Variants in HECW1 observed in about 807,000 individuals in gnomAD.
HECW1 encodes the protein E3 ubiquitin-protein ligase HECW1.
In HECW1, 61 loss-of-function variants were observed where a neutral mutation model predicts 182.3. The ratio of observed to expected loss-of-function variants is 0.33; its 90% CI spans 0.27 to 0.41. The LOEUF is 0.41. HECW1 is among the 10% of genes least tolerant of loss of function. HECW1 has a pLI of 1.00. For synonymous variants in HECW1, 859 were observed against 832.6 expected (o/e 1.03, Z -0.55); for missense variants, 1,739 against 2,108.9 (o/e 0.82, Z 3.44).
At chr7:43,342,884 G>A (rs954155912) in intron 5 of HECW1, among the ~76,000 whole-genome samples, 2 of 151,384 alleles carry the variant, frequency 1.3e-5, no homozygotes, top group African/African-American at 4.9e-5. Context: ...AAATCAGCTG[G>A]TCGTAGTGGC....
intron 2 of HECW1, among the ~76,000 whole-genome samples, chr7:43,237,137 G>GTA (rs1286456639): frequency 2.7e-4 from 35 of 128,276 alleles, no homozygotes; most frequent in African/African-American, 9.7e-4. Flanking sequence ...AAGGAAGGAA[G>GTA]GAAGTAGGTA....
chr7:43,294,080 G>A (rs894797136), intron 3 of HECW1, among the ~76,000 whole-genome samples: 1 of 152,274 alleles, frequency 6.6e-6, no homozygotes, highest in African/African-American at 2.4e-5. Flanking sequence ...CCATGAAATC[G>A]ATCCCTCGTG....
chr7:43,262,764 A>T (rs966907232), intron 3 of HECW1, among the ~76,000 whole-genome samples: 1 of 152,134 alleles, frequency 6.6e-6, no homozygotes, highest in African/African-American at 2.4e-5. Context: ...TAGACCGGAG[A>T]TGTTCTATAA....
At chr7:43,307,079 C>A (rs12532870) in intron 3 of HECW1, among the ~76,000 whole-genome samples, 20,389 of 151,840 alleles carry the variant, frequency 0.13, 1,448 homozygotes, top group Middle Eastern at 0.21. Context: ...GGAAAAAAAA[C>A]CAAAAACAAA....
chr7:43,425,131 C>G (rs927178985), intron 8 of HECW1, among the ~76,000 whole-genome samples: 2 of 152,030 alleles, frequency 1.3e-5, no homozygotes, highest in Non-Finnish European at 2.9e-5. Context: ...GCCATAAAGC[C>G]ATAGCAATGG....
chr7:43,476,118 G>A (rs930089938), intron 16 of HECW1, among the ~76,000 whole-genome samples: 2 of 152,102 alleles, frequency 1.3e-5, no homozygotes, highest in African/African-American at 2.4e-5. Flanking sequence ...AACATGATTT[G>A]CAATTAAAAA....
chr7:43,251,188 C>T (rs914627703), intron 3 of HECW1, among the ~76,000 whole-genome samples: 1 of 152,192 alleles, frequency 6.6e-6, no homozygotes, highest in Non-Finnish European at 1.5e-5. Flanking sequence ...GAGTCCCAGG[C>T]CAAGTCACAG....
intron 13 of HECW1, among the ~76,000 whole-genome samples, chr7:43,462,895 C>G (rs1490149916): frequency 6.6e-6 from 1 of 152,252 alleles, no homozygotes; most frequent in Non-Finnish European, 1.5e-5. Context: ...CTGTGTCCCA[C>G]ATACCTCTTG....
intron 2 of HECW1, among the ~76,000 whole-genome samples, chr7:43,184,095 G>C (rs904434190): frequency 6.6e-6 from 1 of 151,974 alleles, no homozygotes; most frequent in African/African-American, 2.4e-5. Context: ...CTCACTGCAA[G>C]CTCCACCTCC....
intron 2 of HECW1, among the ~76,000 whole-genome samples, chr7:43,218,820 G>A (rs772296282): frequency 3.9e-5 from 6 of 152,148 alleles, no homozygotes; most frequent in Non-Finnish European, 7.3e-5. Context: ...CTTGTCTCAC[G>A]TGATTTAGAT....
intron 5 of HECW1, among the ~76,000 whole-genome samples, chr7:43,332,142 A>C (rs1039421959): frequency 3.9e-5 from 6 of 152,128 alleles, no homozygotes; most frequent in Non-Finnish European, 8.8e-5. Context: ...AATTGGAAGA[A>C]CTCAGGAGTG....
At chr7:43,316,630 C>T (rs905897727) in intron 4 of HECW1, among the ~76,000 whole-genome samples, 8 of 151,900 alleles carry the variant, frequency 5.3e-5, no homozygotes, top group Admixed American at 3.3e-4. Flanking sequence ...ATTGCTCCCA[C>T]AAAGAGGCTT....
intron 3 of HECW1, among the ~76,000 whole-genome samples, chr7:43,289,662 G>A (rs2152754004): frequency 1.3e-5 from 2 of 152,208 alleles, no homozygotes; most frequent in East Asian, 3.9e-4. Context: ...ACAGAACTCT[G>A]TAAAATATTT....
chr7:43,137,952 T>A (rs1787744824), intron 2 of HECW1, among the ~76,000 whole-genome samples: 1 of 151,328 alleles, frequency 6.6e-6, no homozygotes, highest in Non-Finnish European at 1.5e-5. Flanking sequence ...TTTTTTTTTT[T>A]AAGATTCCGG....
At chr7:43,129,884 T>G (rs1295060719) in intron 2 of HECW1, among the ~76,000 whole-genome samples, 1 of 152,182 alleles carries the variant, frequency 6.6e-6, no homozygotes, top group East Asian at 1.9e-4. Flanking sequence ...TTATAATACC[T>G]AATACAATGT....
At chr7:43,314,401 G>C (rs1808923527) in intron 4 of HECW1, among the ~76,000 whole-genome samples, 1 of 152,124 alleles carries the variant, frequency 6.6e-6, no homozygotes, top group Non-Finnish European at 1.5e-5. Context: ...TAGAAAGAGA[G>C]CACCAGATAG....
intron 2 of HECW1, among the ~76,000 whole-genome samples, chr7:43,127,250 A>G (rs935319197): frequency 7.9e-5 from 12 of 152,170 alleles, no homozygotes; most frequent in African/African-American, 2.9e-4. Context: ...CTGGCCGGGC[A>G]AGGTAGCTCA....
At chr7:43,256,041 C>T (rs1292609054) in intron 3 of HECW1, among the ~76,000 whole-genome samples, 2 of 152,138 alleles carry the variant, frequency 1.3e-5, no homozygotes, top group African/African-American at 4.8e-5. Context: ...TAAAACTGTC[C>T]TTTTAATCTT....
intron 24 of HECW1, among the ~76,000 whole-genome samples, chr7:43,526,924 G>C (rs576690658): frequency 6.6e-6 from 1 of 152,242 alleles, no homozygotes; most frequent in Non-Finnish European, 1.5e-5. Context: ...TAACCCAGGA[G>C]GTCAAAGCTG....
Sources: gnomAD v4.1 joint callset for allele counts (sites outside exome capture counted in the v4.1 genomes callset) on GRCh38, gnomAD v4.1.1 for gene constraint, MANE v1.5 for transcripts, NCBI Gene and HGNC (gene_info 2026-07-23, HGNC 2026-07-21) for gene names.